The following RPS6KA6 variants were observed in gnomAD, a reference collection of about 807,000 sequenced individuals.
RPS6KA6 encodes the protein ribosomal protein S6 kinase A6.
A neutral mutation model predicts 65.4 loss-of-function variants in RPS6KA6; 27 were observed. That is an observed-to-expected ratio of 0.41 (90% CI 0.30 to 0.57). RPS6KA6 has a LOEUF of 0.57. Ranked by LOEUF, RPS6KA6 falls within the 20% of genes least tolerant of loss-of-function variation. RPS6KA6 has a pLI of 0.24. For missense variants in RPS6KA6, 486 were observed against 555.6 expected (o/e 0.87, Z 1.26); for synonymous variants, 190 against 184.2 (o/e 1.03, Z -0.26).
intron 3 of RPS6KA6, among the ~76,000 whole-genome samples, chrX:84,151,014 TAGAG>T (rs201394251): frequency 0.13 from 8,487 of 65,692 alleles, 547 homozygotes; most frequent in Non-Finnish European, 0.2. Flanking sequence ...AGAGGATATA[TAGAG>T]AGAGGATATA....
intron 20 of RPS6KA6, among the ~76,000 whole-genome samples, chrX:84,086,851 T>C (rs2033933044): frequency 8.9e-6 from 1 of 111,976 alleles, no homozygotes; most frequent in Admixed American, 9.5e-5. Context: ...TGCTCCTTTA[T>C]TGGGTGCATA....
At chrX:84,079,217 G>C (rs2033731487) in intron 20 of RPS6KA6, among the ~76,000 whole-genome samples, 1 of 110,635 alleles carries the variant, frequency 9.0e-6, no homozygotes, top group Non-Finnish European at 1.9e-5. Context: ...AAGGGGTCAG[G>C]GAACTCCCTC....
chrX:84,078,503 A>T (rs932893834), intron 20 of RPS6KA6, among the ~76,000 whole-genome samples: 1 of 112,074 alleles, frequency 8.9e-6, no homozygotes, highest in African/African-American at 3.2e-5. Context: ...TATTCATAGC[A>T]GCTTTATTGG....
At chrX:84,148,013 C>A (rs751109980) in intron 4 of RPS6KA6, 29 bp downstream of exon 4, 3 of 926,367 alleles carry the variant, frequency 3.2e-6, no homozygotes, top group South Asian at 4.7e-5. Context: ...TTGTCAAATT[C>A]TATTTTAATA....
rs1401296735 is a variant in RPS6KA6, at chrX:84,150,818, G to GAT, written c.259-2697_259-2696dup. Among the ~76,000 whole-genome samples, 419 of 95,442 alleles carry GAT rather than the reference G, an allele frequency of 4.4e-3. 4 individuals are homozygous for GAT. Among genetic ancestry groups the GAT allele is most frequent in the African/African-American group, 0.015 (391 of 26,001 alleles). The allele number at this position is 95,442 out of a possible 115,157, so 82.9% of individuals were successfully genotyped here. A position where few individuals can be genotyped will look rare whatever the true frequency, so the allele number is the denominator to read the frequency against. On this transcript the variant is annotated intron_variant, in intron 3 of 21. Coordinates refer to ENST00000262752, the MANE Select transcript of RPS6KA6 (RefSeq NM_014496.5). ...GAATATATAGAGAGGATATATATAGGATATATATATAGAGAGGATATATAT... is the reference window on the plus strand; with the variant it reads ...GAATATATAGAGAGGATATATATAGGATATATATATATAGAGAGGATATATAT...
At chrX:84,153,333 G>A (rs1381396241) in intron 3 of RPS6KA6, among the ~76,000 whole-genome samples, 1 of 111,056 alleles carries the variant, frequency 9.0e-6, no homozygotes, top group East Asian at 2.8e-4. Flanking sequence ...ATATAAGGAC[G>A]ACTAATCAGA....
intron 17 of RPS6KA6, among the ~76,000 whole-genome samples, chrX:84,104,243 C>G (rs1399159245): frequency 1.8e-5 from 2 of 110,898 alleles, no homozygotes; most frequent in African/African-American, 6.5e-5. Context: ...TTCATAATTT[C>G]AAGGTCAAAG....
At chrX:84,176,921 G>GT (rs994757835) in intron 1 of RPS6KA6, among the ~76,000 whole-genome samples, 2 of 111,763 alleles carry the variant, frequency 1.8e-5, no homozygotes, top group African/African-American at 6.5e-5. Context: ...ATATGTGTGG[G>GT]TTTTTTTCCA....
chrX:84,142,563 GTTTC>G (rs2035124704), intron 6 of RPS6KA6, among the ~76,000 whole-genome samples: 1 of 111,275 alleles, frequency 9.0e-6, no homozygotes, highest in African/African-American at 3.2e-5. Flanking sequence ...ACCAAAAGCT[GTTTC>G]TTTGAGAGTA....
intron 8 of RPS6KA6, among the ~76,000 whole-genome samples, chrX:84,120,624 CT>C (rs2034653886): frequency 1.8e-5 from 2 of 111,056 alleles, no homozygotes; most frequent in Admixed American, 1.9e-4. Context: ...GAATTATATG[CT>C]GAAAACTGGA....
intron 8 of RPS6KA6, among the ~76,000 whole-genome samples, chrX:84,124,728 G>A (rs757612645): frequency 2.1e-4 from 23 of 111,162 alleles, no homozygotes; most frequent in African/African-American, 5.5e-4. Context: ...AGAGAAAGAC[G>A]GATAAGAAGT....
chrX:84,162,974 T>C (rs892755503), intron 2 of RPS6KA6, among the ~76,000 whole-genome samples: 1 of 112,000 alleles, frequency 8.9e-6, no homozygotes, highest in Non-Finnish European at 1.9e-5. Context: ...AAAAGTGTTG[T>C]TACATGGTTA....
intron 9 of RPS6KA6, among the ~76,000 whole-genome samples, chrX:84,119,278 T>A (rs920366585): frequency 3.6e-5 from 4 of 111,793 alleles, no homozygotes; most frequent in African/African-American, 1.3e-4. Context: ...TACTCAGTGA[T>A]AAATGGACAA....
At chrX:84,065,357 T>A (rs2033377261) in intron 20 of RPS6KA6, among the ~76,000 whole-genome samples, 1 of 111,461 alleles carries the variant, frequency 9.0e-6, no homozygotes, top group Middle Eastern at 4.2e-3. Context: ...GAATTGGATG[T>A]GTGATTAGTG....
intron 1 of RPS6KA6, among the ~76,000 whole-genome samples, chrX:84,184,357 G>A (rs1296179909): frequency 2.7e-5 from 3 of 112,807 alleles, no homozygotes; most frequent in African/African-American, 9.7e-5. Flanking sequence ...GAAGAGGCAT[G>A]ATGACTGTGG....
At chrX:84,157,532 T>C (rs1162891051) in intron 2 of RPS6KA6, among the ~76,000 whole-genome samples, 2 of 111,077 alleles carry the variant, frequency 1.8e-5, no homozygotes, top group Non-Finnish European at 3.8e-5. Context: ...TTGGGGACTA[T>C]ATTAAAGTAT....
intron 20 of RPS6KA6, among the ~76,000 whole-genome samples, chrX:84,073,656 T>C (rs771299634): frequency 9.1e-6 from 1 of 110,443 alleles, no homozygotes; most frequent in South Asian, 3.7e-4. Context: ...CCAGAATATA[T>C]AAAACATTCA....
intron 1 of RPS6KA6, among the ~76,000 whole-genome samples, chrX:84,177,523 T>C (rs1237994497): frequency 3.6e-5 from 4 of 111,894 alleles, no homozygotes; most frequent in African/African-American, 9.7e-5. Flanking sequence ...TTATCCTCTA[T>C]GGTATTCTGA....
intron 20 of RPS6KA6, among the ~76,000 whole-genome samples, chrX:84,095,932 T>C (rs1467701197): frequency 1.8e-5 from 2 of 112,011 alleles, no homozygotes; most frequent in Non-Finnish European, 3.8e-5. Flanking sequence ...TTTCCAAAAT[T>C]TACATTTTTG....
Sources: gnomAD v4.1 joint callset for allele counts (sites outside exome capture counted in the v4.1 genomes callset) on GRCh38, gnomAD v4.1.1 for gene constraint, MANE v1.5 for transcripts, NCBI Gene and HGNC (gene_info 2026-07-23, HGNC 2026-07-21) for gene names.